Variants in PLCXD3 observed in about 807,000 individuals in gnomAD.
The protein encoded by PLCXD3 is PI-PLC X domain-containing protein 3.
A neutral mutation model predicts 25.5 loss-of-function variants in PLCXD3; 19 were observed. That is an observed-to-expected ratio of 0.75 (90% CI 0.52 to 1.09). PLCXD3 has a LOEUF of 1.09. PLCXD3 is among the 50% of genes least tolerant of loss of function. The pLI is 0.00. For synonymous variants in PLCXD3, 174 were observed against 137.6 expected (o/e 1.26, Z -1.85); for missense variants, 411 against 388.1 (o/e 1.06, Z -0.50).
chr5:41,364,167 T>C (rs1232798687), intron 2 of PLCXD3, among the ~76,000 whole-genome samples: 1 of 152,088 alleles, frequency 6.6e-6, no homozygotes, highest in Non-Finnish European at 1.5e-5. Flanking sequence ...TGGAATCCAG[T>C]GGGTAGAGGC....
intron 1 of PLCXD3, among the ~76,000 whole-genome samples, chr5:41,388,197 C>G (rs1451270177): frequency 6.6e-6 from 1 of 151,810 alleles, no homozygotes. Context: ...GGCATAGAGA[C>G]AAACAAATAA....
chr5:41,314,151 T>C (rs1008165195), intron 2 of PLCXD3, among the ~76,000 whole-genome samples: 1 of 152,176 alleles, frequency 6.6e-6, no homozygotes, highest in Non-Finnish European at 1.5e-5. Context: ...TTAGCAAACA[T>C]TTATTATGAA....
intron 2 of PLCXD3, among the ~76,000 whole-genome samples, chr5:41,350,774 A>G (rs953327952): frequency 6.6e-6 from 1 of 152,222 alleles, no homozygotes; most frequent in Non-Finnish European, 1.5e-5. Context: ...TATTTTTCCC[A>G]GGAAGTTACC....
At chr5:41,390,927 T>C (rs763097255) in intron 1 of PLCXD3, among the ~76,000 whole-genome samples, 2 of 152,128 alleles carry the variant, frequency 1.3e-5, no homozygotes, top group Non-Finnish European at 2.9e-5. Context: ...ACAGCAATTG[T>C]GAGGCATTGA....
chr5:41,324,921 G>T (rs576293062), intron 2 of PLCXD3, among the ~76,000 whole-genome samples: 11 of 152,288 alleles, frequency 7.2e-5, no homozygotes, highest in African/African-American at 2.4e-4. Flanking sequence ...TGAGTAGCTT[G>T]TTCACCAGAT....
At chr5:41,343,518 T>A (rs1744218893) in intron 2 of PLCXD3, among the ~76,000 whole-genome samples, 1 of 152,142 alleles carries the variant, frequency 6.6e-6, no homozygotes, top group South Asian at 2.1e-4. Context: ...AATGGTCTAT[T>A]CAGTTCTGAA....
intron 1 of PLCXD3, among the ~76,000 whole-genome samples, chr5:41,480,084 G>A (rs1431338483): frequency 2.0e-5 from 3 of 152,148 alleles, no homozygotes; most frequent in Non-Finnish European, 4.4e-5. Flanking sequence ...CTGTTTTAGA[G>A]GGATACGAGC....
At chr5:41,374,091 C>T (rs1347241906) in intron 2 of PLCXD3, among the ~76,000 whole-genome samples, 1 of 151,958 alleles carries the variant, frequency 6.6e-6, no homozygotes, top group Non-Finnish European at 1.5e-5. Flanking sequence ...AGGAGGGCAC[C>T]AATAAATATT....
At chr5:41,496,900 T>C (rs1467319507) in intron 1 of PLCXD3, among the ~76,000 whole-genome samples, 1 of 151,654 alleles carries the variant, frequency 6.6e-6, no homozygotes, top group Admixed American at 6.6e-5. Context: ...TATTAAAGGA[T>C]AGAAAATATG....
chr5:41,352,357 T>C (rs993400034), intron 2 of PLCXD3, among the ~76,000 whole-genome samples: 1 of 152,206 alleles, frequency 6.6e-6, no homozygotes, highest in Non-Finnish European at 1.5e-5. Flanking sequence ...CAGGTTCACC[T>C]GGCAAATTTC....
intron 1 of PLCXD3, among the ~76,000 whole-genome samples, chr5:41,469,733 G>A (rs570499896): frequency 4.3e-4 from 65 of 152,300 alleles, no homozygotes; most frequent in Non-Finnish European, 8.2e-4. Context: ...AAACTAAAGT[G>A]TATTTATATG....
At chr5:41,363,907 C>T (rs989302363) in intron 2 of PLCXD3, among the ~76,000 whole-genome samples, 1 of 152,094 alleles carries the variant, frequency 6.6e-6, no homozygotes, top group Non-Finnish European at 1.5e-5. Flanking sequence ...GAAAAACATG[C>T]CATATTTCTA....
At chr5:41,439,014 A>C (rs950643520) in intron 1 of PLCXD3, among the ~76,000 whole-genome samples, 1 of 152,230 alleles carries the variant, frequency 6.6e-6, no homozygotes, top group Non-Finnish European at 1.5e-5. Context: ...CCCGGTCTTT[A>C]GCAATCTAAG....
intron 1 of PLCXD3, among the ~76,000 whole-genome samples, chr5:41,442,542 A>G (rs1580375720): frequency 6.6e-6 from 1 of 152,354 alleles, no homozygotes; most frequent in Non-Finnish European, 1.5e-5. Flanking sequence ...CAAGGATTAA[A>G]TGAAATAATG....
In PLCXD3 at chr5:41,454,347, T is replaced by G. The variant is rs928807478; in HGVS notation, c.103+56077A>C. On this transcript the variant is annotated intron_variant, in intron 1 of 2. Transcript: ENST00000377801. The stretch of plus-strand genomic sequence containing the variant: ...TTTTTCATAGTTCTTGAGGCTGGGT[T>G]GCCTAAGATCTAAGTGCTGGCAGAT... 5.9e-5 allele frequency among the ~76,000 whole-genome samples: 9 copies of G among 152,134 alleles called. No homozygotes were observed. In the East Asian group the frequency reaches 1.7e-3, roughly 30 times the overall value.
chr5:41,355,932 A>C (rs927232722), intron 2 of PLCXD3, among the ~76,000 whole-genome samples: 3 of 152,154 alleles, frequency 2.0e-5, no homozygotes, highest in Admixed American at 6.5e-5. Flanking sequence ...CCTTTGGCTT[A>C]AACTTTAACT....
At chr5:41,505,450 G>A (rs1018149200) in intron 1 of PLCXD3, among the ~76,000 whole-genome samples, 3 of 152,140 alleles carry the variant, frequency 2.0e-5, no homozygotes, top group African/African-American at 7.2e-5. Context: ...ATGGCTTTCT[G>A]ATGCTACATT....
chr5:41,346,089 G>A (rs1350256654), intron 2 of PLCXD3, among the ~76,000 whole-genome samples: 1 of 151,962 alleles, frequency 6.6e-6, no homozygotes, highest in African/African-American at 2.4e-5. Flanking sequence ...CCATGTTGGC[G>A]TGGCTGGTCT....
intron 1 of PLCXD3, among the ~76,000 whole-genome samples, chr5:41,392,265 T>A (rs576403118): frequency 6.6e-6 from 1 of 152,170 alleles, no homozygotes; most frequent in African/African-American, 2.4e-5. Context: ...CCTAGCACAG[T>A]CATAATTGTG....
Sources: allele counts gnomAD v4.1 joint callset (sites outside exome capture counted in the v4.1 genomes callset), GRCh38; gene constraint gnomAD v4.1.1; transcripts MANE v1.5; gene names NCBI Gene and HGNC (gene_info 2026-07-23, HGNC 2026-07-21).